The following GLT1D1 variants were observed in gnomAD, a reference collection of about 807,000 sequenced individuals.
GLT1D1 encodes glycosyltransferase 1 domain containing 1, also known as glycosyltransferase 1 domain-containing protein 1.
In GLT1D1, 21 loss-of-function variants were observed where a neutral mutation model predicts 28.7. That is an observed-to-expected ratio of 0.73 (90% CI 0.52 to 1.05). The LOEUF is 1.05. Ranked by LOEUF, GLT1D1 falls within the 50% of genes least tolerant of loss-of-function variation. The probability of loss-of-function intolerance (pLI) is 0.00; values close to 1 mark genes in which losing one functional copy is unlikely to be tolerated. For synonymous variants in GLT1D1, 147 were observed against 124.8 expected, an observed-to-expected ratio of 1.18 and a Z score of -1.19; for missense variants, 343 against 330.6, an observed-to-expected ratio of 1.04 and a Z score of -0.29.
chr12:128,892,574 TG>T (rs1395470175), intron 3 of GLT1D1, among the ~76,000 whole-genome samples: 1 of 152,254 alleles, frequency 6.6e-6, no homozygotes, highest in East Asian at 1.9e-4. Context: ...ATTTCTATTT[TG>T]GGGGGTTATT....
At chr12:128,942,749 G>GTTTTTTTTTTT (rs1304773093) in intron 4 of GLT1D1, among the ~76,000 whole-genome samples, 1 of 78,006 alleles carries the variant, frequency 1.3e-5, no homozygotes, top group African/African-American at 4.9e-5. Flanking sequence ...GTTTGTTTTT[G>GTTTTTTTTTTT]TTTTTTGTTT....
At chr12:128,887,692 G>A (rs1457877385) in intron 2 of GLT1D1, among the ~76,000 whole-genome samples, 1 of 152,164 alleles carries the variant, frequency 6.6e-6, no homozygotes, top group Non-Finnish European at 1.5e-5. Flanking sequence ...CCTAGATAGA[G>A]AGAAAGAAGA....
chr12:128,948,851 A>G (rs1358281094), intron 6 of GLT1D1, among the ~76,000 whole-genome samples: 5 of 152,210 alleles, frequency 3.3e-5, no homozygotes, highest in Admixed American at 2.0e-4. Context: ...TTAATTTGGC[A>G]TCATTTATAA....
intron 4 of GLT1D1, among the ~76,000 whole-genome samples, chr12:128,903,056 TG>T (rs1870469956): frequency 6.6e-6 from 1 of 151,450 alleles, no homozygotes; most frequent in Non-Finnish European, 1.5e-5. Flanking sequence ...ATTTTACCTG[TG>T]GAAGCATGCT....
chr12:128,918,392 G>A (rs1174200124), intron 4 of GLT1D1, among the ~76,000 whole-genome samples: 1 of 152,082 alleles, frequency 6.6e-6, no homozygotes, highest in Non-Finnish European at 1.5e-5. Flanking sequence ...GTGATGGGTT[G>A]ATAGATGCAG....
intron 7 of GLT1D1, among the ~76,000 whole-genome samples, chr12:128,966,523 C>G (rs1210962058): frequency 6.6e-6 from 1 of 152,222 alleles, no homozygotes; most frequent in African/African-American, 2.4e-5. Context: ...TCCCCAACCT[C>G]CTCAGACTGT....
At chr12:128,936,605 G>C (rs1428488233) in intron 4 of GLT1D1, among the ~76,000 whole-genome samples, 2 of 152,150 alleles carry the variant, frequency 1.3e-5, no homozygotes, top group Non-Finnish European at 2.9e-5. Flanking sequence ...TATGGTCTCT[G>C]CTTGCAGGCG....
At chr12:128,853,774 C>A in intron 1 of GLT1D1, 125 bp downstream of exon 1, 1 of 606,616 alleles carries the variant, frequency 1.6e-6, no homozygotes, top group Non-Finnish European at 2.1e-6. Context: ...TCCCGAGCCG[C>A]GCGCACAAAC....
intron 7 of GLT1D1, among the ~76,000 whole-genome samples, chr12:128,965,268 G>A (rs1247943040): frequency 6.6e-6 from 1 of 152,222 alleles, no homozygotes; most frequent in East Asian, 1.9e-4. Context: ...ACATGGCAAG[G>A]AACTTTGGGC....
At chr12:128,973,841 GT>G (rs1879477786) in intron 7 of GLT1D1, among the ~76,000 whole-genome samples, 1 of 151,570 alleles carries the variant, frequency 6.6e-6, no homozygotes, top group African/African-American at 2.4e-5. Flanking sequence ...TCCTGAAGTT[GT>G]TTTTAGCTTC....
intron 2 of GLT1D1, among the ~76,000 whole-genome samples, chr12:128,879,718 A>T (rs1219882523): frequency 6.6e-6 from 1 of 152,106 alleles, no homozygotes; most frequent in East Asian, 1.9e-4. Context: ...CGGCCTCCCA[A>T]AGTGCTGGGA....
chr12:128,965,324 G>A (rs1256049385), intron 7 of GLT1D1, among the ~76,000 whole-genome samples: 2 of 152,212 alleles, frequency 1.3e-5, no homozygotes, highest in African/African-American at 4.8e-5. Flanking sequence ...GCCAGTGGGA[G>A]AAAGATGGCT....
At chr12:128,893,507 A>T (rs934261472) in intron 3 of GLT1D1, among the ~76,000 whole-genome samples, 1 of 152,196 alleles carries the variant, frequency 6.6e-6, no homozygotes, top group Admixed American at 6.5e-5. Flanking sequence ...CTATTTCAAA[A>T]TGGCAATGTT....
chr12:128,903,664 T>C (rs1404042583), intron 4 of GLT1D1, among the ~76,000 whole-genome samples: 1 of 151,730 alleles, frequency 6.6e-6, no homozygotes, highest in Admixed American at 6.6e-5. Context: ...TCAGGCCCGG[T>C]GAATATCCTT....
chr12:128,937,120 T>G (rs978332713), intron 4 of GLT1D1, among the ~76,000 whole-genome samples: 4 of 152,198 alleles, frequency 2.6e-5, no homozygotes, highest in African/African-American at 9.7e-5. Flanking sequence ...CTAATAAAAT[T>G]AAAAGTAAGA....
chr12:128,947,152 TC>T (rs1876211309), intron 5 of GLT1D1, 185 bp from the exon 10 acceptor site: 1 of 635,026 alleles, frequency 1.6e-6, no homozygotes, highest in Admixed American at 2.9e-5. Flanking sequence ...ACTCCCTCCC[TC>T]CCTTGTCAGG....
chr12:128,936,652 A>G (rs1874600238), intron 4 of GLT1D1, among the ~76,000 whole-genome samples: 1 of 152,156 alleles, frequency 6.6e-6, no homozygotes. Flanking sequence ...CTCTTTGATA[A>G]GGAGTGGGGT....
chr12:128,908,718 G>A (rs1871208621), intron 4 of GLT1D1, among the ~76,000 whole-genome samples: 2 of 152,052 alleles, frequency 1.3e-5, no homozygotes, highest in African/African-American at 4.8e-5. Flanking sequence ...GGGAGGCCGA[G>A]GAGGGCGGAT....
chr12:128,960,097 A>G (rs761023990), intron 7 of GLT1D1, among the ~76,000 whole-genome samples: 1 of 152,166 alleles, frequency 6.6e-6, no homozygotes, highest in Non-Finnish European at 1.5e-5. Flanking sequence ...GCTTCCTGTG[A>G]GCCATCAGAC....
Sources: allele counts gnomAD v4.1 joint callset (sites outside exome capture counted in the v4.1 genomes callset), GRCh38; gene constraint gnomAD v4.1.1; transcripts MANE v1.5; gene names NCBI Gene and HGNC (gene_info 2026-07-23, HGNC 2026-07-21).